The following TRIM27 variants were observed in gnomAD, a reference collection of about 807,000 sequenced individuals.
TRIM27 encodes tripartite motif containing 27, also known as zinc finger protein RFP.
A neutral mutation model predicts 57.6 loss-of-function variants in TRIM27; 12 were observed. That is an observed-to-expected ratio of 0.21 (90% confidence interval 0.13 to 0.34). TRIM27 has a LOEUF of 0.34. Among genes scored for constraint, TRIM27 ranks in the 10% least tolerant of loss-of-function variants. The pLI, the probability that TRIM27 is intolerant of heterozygous loss-of-function variation, is 1.00. For missense variants in TRIM27, 403 were observed against 656.8 expected, an observed-to-expected ratio of 0.61 and a Z score of 4.22; for synonymous variants, 266 against 259.0, an observed-to-expected ratio of 1.03 and a Z score of -0.26.
In TRIM27 at chr6:28,908,806, A is replaced by G; in HGVS notation, c.919+2T>C. The G allele has an allele frequency of 6.2e-7, 1 of 1,613,832 alleles. No individual in the cohort carries two copies. Among genetic ancestry groups the G allele is most frequent in the Non-Finnish European group, 8.5e-7 (1 of 1,179,774 alleles). ...AAAAGCCCAGTAGGTAGATAAATTT[A>G]CCTTGGATTTTCTCCATATCTGACT... On this transcript the variant is annotated splice_donor_variant, in intron 6 of 7. Coordinates refer to ENST00000377199, the MANE Select transcript of TRIM27 (RefSeq NM_006510.5). LOFTEE classifies it high-confidence loss of function.
At chr6:28,917,600 T>C (rs1773706749) in intron 3 of TRIM27, among the ~76,000 whole-genome samples, 1 of 151,116 alleles carries the variant, frequency 6.6e-6, no homozygotes, top group African/African-American at 2.4e-5. Context: ...AAAAGAAAGT[T>C]ACACAACAGG....
At chr6:28,913,101 C>T (rs1396606678) in intron 3 of TRIM27, among the ~76,000 whole-genome samples, 1 of 151,630 alleles carries the variant, frequency 6.6e-6, no homozygotes, top group East Asian at 1.9e-4. Context: ...ACTAAAAATA[C>T]AAAATTAGCC....
intron 3 of TRIM27, among the ~76,000 whole-genome samples, chr6:28,917,791 C>T (rs1028272812): frequency 1.3e-5 from 2 of 151,854 alleles, no homozygotes; most frequent in Admixed American, 6.6e-5. Flanking sequence ...TCTCAGGAAC[C>T]GCACATTGCT....
rs573652597 is a variant in TRIM27, at chr6:28,922,279, T to C, written c.421-292A>G. Among the ~76,000 whole-genome samples, 103 of 152,312 alleles carry C rather than the reference T, an allele frequency of 6.8e-4. 1 individual carries two copies. The highest frequency in any genetic ancestry group is 2.2e-3 in the African/African-American group (93 of 41,572). On this transcript the variant is annotated intron_variant, in intron 1 of 7. Transcript: ENST00000377199. ...TCATCTACCTGTCCCTGGTAGGATA[T>C]TGCATGACTTAGCGGAACTGTGACT...
Position 28,923,814 on chromosome 6 carries a change from G to A in TRIM27, c.-182C>T, listed in dbSNP as rs1034679806. 2 of 645,554 alleles carry A rather than the reference G, an allele frequency of 3.1e-6. No homozygotes were observed. Among genetic ancestry groups the A allele is most frequent in the South Asian group, 2.2e-5 (1 of 45,258 alleles). 40.0% of individuals were successfully genotyped at this position (645,554 alleles called of 1,614,324 possible). A position where few individuals can be genotyped will look rare whatever the true frequency, so the allele number is the denominator to read the frequency against. On this transcript the variant is annotated 5_prime_UTR_variant, in exon 1 of 8. Coordinates refer to ENST00000377199, the MANE Select transcript of TRIM27 (RefSeq NM_006510.5). ...ACCGAAGGCTTGGAGTGGCCGGGCC[G>A]ATGCCTGCGCCTGTGCCCCCTAAGC...
chr6:28,919,881 T>C (rs1009549736), intron 3 of TRIM27, 131 bp downstream of exon 3: 11 of 795,000 alleles, frequency 1.4e-5, no homozygotes, highest in Admixed American at 8.7e-5. Context: ...GTGCACAATA[T>C]AGAGTTTGGC....
chr6:28,923,087 G>A, intron 1 of TRIM27, 126 bp downstream of exon 1: 1 of 1,134,674 alleles, frequency 8.8e-7, no homozygotes, highest in Non-Finnish European at 1.2e-6. Context: ...CGGACAGAGA[G>A]GAAATGACGG....
intron 6 of TRIM27, chr6:28,908,150 A>T (rs1329596389): frequency 6.3e-6 from 1 of 158,680 alleles, no homozygotes; most frequent in African/African-American, 2.4e-5. Context: ...GCTTCTCCAA[A>T]TGCCTAGAAC....
Position 28,904,343 on chromosome 6 carries a change from T to TG in TRIM27, c.1268dup (p.Met424AsnfsTer20). On this transcript the variant is annotated frameshift_variant, in exon 8 of 8. Transcript: ENST00000377199. LOFTEE classifies it high-confidence loss of function. This position sits in a 1 kb window ranked among gnomAD's most constrained non-coding sequence, Gnocchi z 6.1. ...GGGTCCGCAGGGGTAGGGCAGTCAT[T>TG]GGGGAGGTAAGAGCCCAATATTCTT... 6.2e-7 allele frequency: 1 copy of TG among 1,613,002 alleles called. No individual in the cohort carries two copies. The highest frequency in any genetic ancestry group is 8.5e-7 in the Non-Finnish European group (1 of 1,180,018).
chr6:28,908,116 G>A (rs910608477), intron 6 of TRIM27: 2 of 161,654 alleles, frequency 1.2e-5, no homozygotes, highest in Admixed American at 6.4e-5. Context: ...TGGCTCGTGA[G>A]CAGAAAAATT....
chr6:28,912,592 T>A (rs1773289315), intron 3 of TRIM27, among the ~76,000 whole-genome samples: 1 of 152,190 alleles, frequency 6.6e-6, no homozygotes, highest in South Asian at 2.1e-4. Flanking sequence ...ATAGGTATCA[T>A]TCTTTTCCTT....
chr6:28,903,834 A>G lies in TRIM27; in HGVS notation c.*236T>C. On this transcript the variant is annotated 3_prime_UTR_variant, in exon 8 of 8. Coordinates refer to ENST00000377199, the MANE Select transcript of TRIM27 (RefSeq NM_006510.5). ...TGTGTAAAACCAGAAAGTATGAAAC[A>G]CTGGAGGTGGACATCTGGTTTTTAT... The G allele has an allele frequency of 1.8e-6, 1 of 565,374 alleles. No individual in the cohort carries two copies. Among genetic ancestry groups the G allele is most frequent in the Non-Finnish European group, 3.1e-6 (1 of 318,086 alleles). 35.0% of individuals were successfully genotyped at this position (565,374 alleles called of 1,614,324 possible).
chr6:28,918,684 T>C (rs1773800284), intron 3 of TRIM27, among the ~76,000 whole-genome samples: 1 of 152,088 alleles, frequency 6.6e-6, no homozygotes, highest in African/African-American at 2.4e-5. Context: ...GAGACCAGCC[T>C]GACCAATATG....
chr6:28,911,769 G>A lies in TRIM27; in HGVS notation c.748-51C>T, dbSNP rs766387064. 3.8e-6 allele frequency: 6 copies of A among 1,591,638 alleles called. No homozygotes were observed. In the South Asian group the frequency reaches 6.8e-5, roughly 18 times the overall value. Reference sequence around the variant, plus strand: ...CCATGAGAAGTCATTTAAAACTTCGGTTTTCTTTCACAGATGTTTGTTGAA... The same window carrying A: ...CCATGAGAAGTCATTTAAAACTTCGATTTTCTTTCACAGATGTTTGTTGAA... On this transcript the variant is annotated intron_variant, in intron 3 of 7. Transcript: ENST00000377199.
chr6:28,914,585 G>T (rs1472537087), intron 3 of TRIM27, among the ~76,000 whole-genome samples: 3 of 108,306 alleles, frequency 2.8e-5, no homozygotes, highest in Middle Eastern at 5.0e-3. Context: ...CAAGGGTGGG[G>T]GGGGGGGGAT....
Position 28,923,837 on chromosome 6 carries a change from A to T in TRIM27, c.-205T>A. The T allele has an allele frequency of 5.4e-6, 3 of 555,406 alleles. No individual in the cohort carries two copies. The highest frequency in any genetic ancestry group is 9.1e-6 in the Non-Finnish European group (3 of 328,018). The allele number at this position is 555,406 out of a possible 1,614,324, so 34.4% of individuals were successfully genotyped here. On this transcript the variant is annotated 5_prime_UTR_variant, in exon 1 of 8. Transcript: ENST00000377199. ...CCGATGCCTGCGCCTGTGCCCCCTA[A>T]GCGAGAGCGGGAATACGGCCGGCTC...
At chr6:28,919,728 G>A (rs929015840) in intron 3 of TRIM27, among the ~76,000 whole-genome samples, 38 of 152,206 alleles carry the variant, frequency 2.5e-4, no homozygotes, top group African/African-American at 9.2e-4. Flanking sequence ...AAGGTTGAGA[G>A]CCTTGCCTGT....
In TRIM27 at chr6:28,920,560, G is replaced by GA. The variant is rs532359186; in HGVS notation, c.517-319dup. Reference sequence around the variant, plus strand: ...GAAAGAAACTGGTACCATCTTCACAGAAGCAATTTCACACAATGTTCATGT... The same window carrying GA: ...GAAAGAAACTGGTACCATCTTCACAGAAAGCAATTTCACACAATGTTCATGT... On this transcript the variant is annotated intron_variant, in intron 2 of 7. Transcript: ENST00000377199. 2.0e-5 allele frequency among the ~76,000 whole-genome samples: 3 copies of GA among 152,292 alleles called. No homozygotes were observed. The South Asian group carries it at 6.2e-4, about 32-fold the overall frequency.
At chr6:28,915,691 G>GCATGGCTCCTGCACAAGGATAA (rs1773547754) in intron 3 of TRIM27, 1 of 152,192 alleles carries the variant, frequency 6.6e-6, no homozygotes, top group Non-Finnish European at 1.5e-5. Context: ...GCACAGATTA[G>GCATGGCTCCTGCACAAGGATAA]CATGGCTCCT....
Sources: allele counts gnomAD v4.1 joint callset (sites outside exome capture counted in the v4.1 genomes callset), GRCh38; gene constraint gnomAD v4.1.1; non-coding constraint Gnocchi (gnomAD v3.1); transcripts MANE v1.5; gene names NCBI Gene and HGNC (gene_info 2026-07-23, HGNC 2026-07-21).